Variants in CCDC141 observed in about 807,000 individuals in gnomAD.
CCDC141 encodes coiled-coil domain-containing protein 141.
Under a neutral mutation model 181.0 loss-of-function variants are expected in CCDC141, and 168 were observed. The observed-to-expected ratio is 0.93, with a 90% CI of 0.82 to 1.05. The LOEUF (loss-of-function observed/expected upper bound fraction) is 1.05. Among genes scored for constraint, CCDC141 ranks in the 50% least tolerant of loss-of-function variants. CCDC141 has a pLI of 0.00. For missense variants in CCDC141, 1,902 were observed against 1,788.5 expected, an observed-to-expected ratio of 1.06 and a Z score of -1.14; for synonymous variants, 666 against 642.3, an observed-to-expected ratio of 1.04 and a Z score of -0.56.
chr2:178,854,306 C>T (rs769998051), intron 19 of CCDC141, among the ~76,000 whole-genome samples: 5 of 151,934 alleles, frequency 3.3e-5, no homozygotes, highest in Non-Finnish European at 7.4e-5. Context: ...AGGCGGATCA[C>T]GAGGTCAGGA....
chr2:179,015,617 T>TTA (rs2042492056), intron 2 of CCDC141, among the ~76,000 whole-genome samples: 1 of 34,898 alleles, frequency 2.9e-5, no homozygotes, highest in Non-Finnish European at 7.5e-5. Flanking sequence ...CTCATATAGC[T>TTA]CATATATATC....
chr2:178,988,274 T>A (rs1268007528), intron 2 of CCDC141, among the ~76,000 whole-genome samples: 3 of 134,828 alleles, frequency 2.2e-5, no homozygotes, highest in African/African-American at 8.5e-5. Context: ...AACAGTGAGA[T>A]CACATGGACA....
chr2:178,946,586 G>T (rs1394129), intron 5 of CCDC141, among the ~76,000 whole-genome samples: 9 of 152,056 alleles, frequency 5.9e-5, no homozygotes, highest in Admixed American at 5.9e-4. Context: ...ATGAAAAATG[G>T]GTACAAACAG....
intron 17 of CCDC141, among the ~76,000 whole-genome samples, chr2:178,861,563 G>T (rs1050752265): frequency 6.6e-6 from 1 of 150,978 alleles, no homozygotes; most frequent in Non-Finnish European, 1.5e-5. Flanking sequence ...TTGAACCCAG[G>T]AGGCAGAGGT....
chr2:179,032,091 C>G (rs1299300153), intron 2 of CCDC141, among the ~76,000 whole-genome samples: 1 of 152,142 alleles, frequency 6.6e-6, no homozygotes, highest in East Asian at 1.9e-4. Flanking sequence ...ACTGGCTTGA[C>G]TCAGTGCCTG....
At chr2:178,956,244 T>G (rs1218496259) in intron 5 of CCDC141, among the ~76,000 whole-genome samples, 2 of 152,238 alleles carry the variant, frequency 1.3e-5, no homozygotes, top group African/African-American at 4.8e-5. Flanking sequence ...TCGCTGCTGT[T>G]AACAAGAGAA....
intron 2 of CCDC141, among the ~76,000 whole-genome samples, chr2:179,018,476 A>G (rs1481601403): frequency 6.6e-6 from 1 of 152,154 alleles, no homozygotes; most frequent in African/African-American, 2.4e-5. Flanking sequence ...TTATTTTTTC[A>G]GTCTCTTTCA....
chr2:178,843,473 T>G (rs1233060271), intron 22 of CCDC141, among the ~76,000 whole-genome samples: 5 of 152,194 alleles, frequency 3.3e-5, no homozygotes, highest in Admixed American at 3.3e-4. Context: ...TCTTCAGTGC[T>G]CACATTGGGA....
At chr2:178,965,701 C>T (rs953191555) in intron 4 of CCDC141, among the ~76,000 whole-genome samples, 1 of 152,178 alleles carries the variant, frequency 6.6e-6, no homozygotes, top group East Asian at 1.9e-4. Context: ...TTTGGGCAGA[C>T]ACCGAACTAG....
intron 22 of CCDC141, among the ~76,000 whole-genome samples, chr2:178,841,605 A>C (rs1684724132): frequency 2.0e-5 from 3 of 152,220 alleles, no homozygotes; most frequent in Non-Finnish European, 4.4e-5. Flanking sequence ...TTCCGTTTTT[A>C]AGTCATTATG....
intron 10 of CCDC141, among the ~76,000 whole-genome samples, 152 bp from the exon 11 acceptor site, chr2:178,885,244 T>TTA (rs535328260): frequency 1.1e-4 from 15 of 137,154 alleles, no homozygotes; most frequent in African/African-American, 3.5e-4. Flanking sequence ...TCCAAAATTC[T>TTA]AAAAAAAAAA....
chr2:179,047,991 C>A (rs2043555561), intron 1 of CCDC141, among the ~76,000 whole-genome samples: 4 of 152,086 alleles, frequency 2.6e-5, no homozygotes, highest in Admixed American at 2.6e-4. Flanking sequence ...TTCATTAAAG[C>A]GTGTAGGAAA....
intron 7 of CCDC141, 109 bp downstream of exon 7, chr2:178,918,604 A>C (rs1020155151): frequency 2.4e-6 from 2 of 847,596 alleles, no homozygotes; most frequent in African/African-American, 1.7e-5. Context: ...CAGTTTTGAA[A>C]TTTTACATGG....
intron 23 of CCDC141, among the ~76,000 whole-genome samples, chr2:178,834,752 T>G (rs572483958): frequency 6.6e-6 from 1 of 151,620 alleles, no homozygotes. Context: ...TTTTATTTTT[T>G]ATTTTTTTTA....
chr2:178,900,089 T>C (rs1687614778), intron 8 of CCDC141, among the ~76,000 whole-genome samples: 1 of 152,146 alleles, frequency 6.6e-6, no homozygotes, highest in South Asian at 2.1e-4. Context: ...AAAATGAAAA[T>C]AGTATTGATT....
At chr2:178,924,686 G>A (rs1278607059) in intron 6 of CCDC141, among the ~76,000 whole-genome samples, 1 of 152,104 alleles carries the variant, frequency 6.6e-6, no homozygotes, top group African/African-American at 2.4e-5. Flanking sequence ...AGTCTCCCAT[G>A]CTTGCTGAGT....
intron 6 of CCDC141, among the ~76,000 whole-genome samples, chr2:178,928,618 G>A (rs961824401): frequency 1.3e-5 from 2 of 152,146 alleles, no homozygotes; most frequent in African/African-American, 4.8e-5. Flanking sequence ...ACTTTTCTAA[G>A]CATTTAAACT....
chr2:178,998,861 G>C (rs955418632), intron 2 of CCDC141, among the ~76,000 whole-genome samples: 2 of 152,068 alleles, frequency 1.3e-5, no homozygotes, highest in African/African-American at 4.8e-5. Flanking sequence ...TTTCAAAGTA[G>C]AGTTAACTTA....
At chr2:178,987,587 T>A (rs918100902) in intron 2 of CCDC141, among the ~76,000 whole-genome samples, 1 of 150,802 alleles carries the variant, frequency 6.6e-6, no homozygotes, top group African/African-American at 2.4e-5. Context: ...AGGGCTAATA[T>A]CCAGAATCTA....
Sources: allele counts gnomAD v4.1 joint callset (sites outside exome capture counted in the v4.1 genomes callset), GRCh38; gene constraint gnomAD v4.1.1; transcripts MANE v1.5; gene names NCBI Gene and HGNC (gene_info 2026-07-23, HGNC 2026-07-21).